The following CAMTA1 variants were observed in gnomAD, a reference collection of about 807,000 sequenced individuals.
The protein encoded by CAMTA1 is calmodulin binding transcription activator 1, also known as calmodulin-binding transcription activator 1.
CAMTA1 carries 27 observed loss-of-function variants against 170.9 expected under a neutral mutation model. The observed-to-expected ratio is 0.16, with a 90% CI of 0.12 to 0.22. The LOEUF is 0.22. Ranked by LOEUF, CAMTA1 falls within the 10% of genes least tolerant of loss-of-function variation. The pLI, the probability that CAMTA1 is intolerant of heterozygous loss-of-function variation, is 1.00. For missense variants in CAMTA1, 1,619 were observed against 2,217.2 expected, an observed-to-expected ratio of 0.73 and a Z score of 5.42; for synonymous variants, 833 against 891.5, an observed-to-expected ratio of 0.93 and a Z score of 1.17.
At chr1:7,042,858 A>G (rs1437953941) in intron 3 of CAMTA1, among the ~76,000 whole-genome samples, 1 of 152,198 alleles carries the variant, frequency 6.6e-6, no homozygotes, top group East Asian at 1.9e-4. Context: ...AAATTAAGCT[A>G]TTTAATTCTA....
intron 3 of CAMTA1, among the ~76,000 whole-genome samples, chr1:6,904,733 ATTTTTTTTTTTTTTTTTTTTTT>A: frequency 1.4e-5 from 1 of 70,994 alleles, no homozygotes; most frequent in Admixed American, 2.6e-4. Flanking sequence ...TGCCCAGCTA[ATTTTTTTTTTTTTTTTTTTTTT>A]TTTTTTTTTT....
At position 7,738,587 on chromosome 1, in the gene CAMTA1, C is replaced by T; in HGVS notation, c.4182+105C>T. 7.7e-7 allele frequency: 1 copy of T among 1,301,338 alleles called. No individual in the cohort carries two copies. The highest frequency in any genetic ancestry group is 1.0e-6 in the Non-Finnish European group (1 of 962,346). 80.6% of individuals were successfully genotyped at this position (1,301,338 alleles called of 1,614,324 possible). A position where few individuals can be genotyped will look rare whatever the true frequency, so the allele number is the denominator to read the frequency against. ...TTGTGTCATTTTCCTCCCCGTGAAG[C>T]CTTCGAAGTTGGCTTTGTGCAGAAC... On this transcript the variant is annotated intron_variant, in intron 16 of 22. Transcript: ENST00000303635. The surrounding 1 kb of genome is among the most constrained non-coding windows in gnomAD (Gnocchi z 4.9).
chr1:7,287,084 T>C (rs753719641), intron 5 of CAMTA1, among the ~76,000 whole-genome samples: 2 of 152,180 alleles, frequency 1.3e-5, no homozygotes, highest in Non-Finnish European at 2.9e-5. Flanking sequence ...TGCAACTTTT[T>C]TTGGAAGATC....
chr1:7,250,294 T>A (rs2149306138), intron 5 of CAMTA1, among the ~76,000 whole-genome samples: 1 of 152,318 alleles, frequency 6.6e-6, no homozygotes, highest in African/African-American at 2.4e-5. Flanking sequence ...TGCCATCGTT[T>A]GAGGGCCTGA....
At chr1:6,995,594 A>C (rs1045943359) in intron 3 of CAMTA1, among the ~76,000 whole-genome samples, 2 of 152,040 alleles carry the variant, frequency 1.3e-5, no homozygotes, top group Non-Finnish European at 2.9e-5. Context: ...GAGCCACCGC[A>C]CCTGGCCTAA....
intron 11 of CAMTA1, among the ~76,000 whole-genome samples, chr1:7,717,742 A>G (rs1459024756): frequency 6.6e-6 from 1 of 152,154 alleles, no homozygotes; most frequent in Non-Finnish European, 1.5e-5. Flanking sequence ...AAAATAAAAA[A>G]ATAAAAACGG....
Position 7,732,066 on chromosome 1 carries a change from C to G in CAMTA1, c.2915-382C>G, listed in dbSNP as rs2096738009. On this transcript the variant is annotated intron_variant, in intron 11 of 22. Transcript: ENST00000303635. This position sits in a 1 kb window ranked among gnomAD's most constrained non-coding sequence, Gnocchi z 4.1. Reference sequence around the variant, plus strand: ...CTTCCTTTCTTGCTGTGATTGCTTTCTTCTACTAGTTTAATTTAAATTGTA... The same window carrying G: ...CTTCCTTTCTTGCTGTGATTGCTTTGTTCTACTAGTTTAATTTAAATTGTA... Among the ~76,000 whole-genome samples, 1 of 130,614 alleles carries G rather than the reference C, an allele frequency of 7.7e-6. No homozygotes were observed. Among genetic ancestry groups the G allele is most frequent in the Admixed American group, 7.9e-5 (1 of 12,600 alleles). The allele number at this position is 130,614 out of a possible 152,430, so 85.7% of individuals were successfully genotyped here. A position where few individuals can be genotyped will look rare whatever the true frequency, so the allele number is the denominator to read the frequency against.
At chr1:7,740,502 C>A (rs531679932) in intron 16 of CAMTA1, among the ~76,000 whole-genome samples, 1 of 152,256 alleles carries the variant, frequency 6.6e-6, no homozygotes, top group Admixed American at 6.5e-5. Context: ...TAGATTACAT[C>A]GAAAATCAGC....
intron 4 of CAMTA1, among the ~76,000 whole-genome samples, chr1:7,110,585 C>T (rs1046382212): frequency 2.0e-5 from 3 of 152,222 alleles, no homozygotes; most frequent in Non-Finnish European, 4.4e-5. Context: ...ATTTAATCAG[C>T]AACCTGGGAG....
At chr1:7,612,082 G>A (rs1388583913) in intron 6 of CAMTA1, among the ~76,000 whole-genome samples, 1 of 152,216 alleles carries the variant, frequency 6.6e-6, no homozygotes, top group South Asian at 2.1e-4. Flanking sequence ...GCCATCCACG[G>A]ACAGCTAAGT....
In CAMTA1 at chr1:7,635,838, C is replaced by G. The variant is rs928746042; in HGVS notation, c.511-4562C>G. ...CTAATATATTTTTCTGCCAAAAACACCCAATAAAATGTACAACTAATGAAT... is the reference window on the plus strand; with the variant it reads ...CTAATATATTTTTCTGCCAAAAACAGCCAATAAAATGTACAACTAATGAAT... On this transcript the variant is annotated intron_variant, in intron 6 of 22. Coordinates refer to ENST00000303635, the MANE Select transcript of CAMTA1 (RefSeq NM_015215.4). This position sits in a 1 kb window ranked among gnomAD's most constrained non-coding sequence, Gnocchi z 4.4. Among the ~76,000 whole-genome samples, 5 of 152,274 alleles carry G rather than the reference C, an allele frequency of 3.3e-5. No homozygotes were observed. Among genetic ancestry groups the G allele is most frequent in the Non-Finnish European group, 7.4e-5 (5 of 68,014 alleles).
chr1:7,162,716 A>G (rs1227697508), intron 4 of CAMTA1, among the ~76,000 whole-genome samples: 2 of 152,108 alleles, frequency 1.3e-5, no homozygotes, highest in Admixed American at 1.3e-4. Flanking sequence ...TCCTCAGTTG[A>G]TGGACATTTA....
At chr1:6,827,640 G>A (rs754044242) in intron 3 of CAMTA1, among the ~76,000 whole-genome samples, 1 of 151,682 alleles carries the variant, frequency 6.6e-6, no homozygotes, top group African/African-American at 2.4e-5. Context: ...ATTTTCTTAC[G>A]TTCTTCAGCC....
rs2093560460 is a variant in CAMTA1 at position 7,482,922 on chromosome 1, G to A, written c.510+15021G>A. Among the ~76,000 whole-genome samples the A allele has an allele frequency of 6.6e-6, 1 of 152,130 alleles. No individual in the cohort carries two copies. Among genetic ancestry groups the A allele is most frequent in the Non-Finnish European group, 1.5e-5 (1 of 68,034 alleles). On this transcript the variant is annotated intron_variant, in intron 6 of 22. Coordinates refer to ENST00000303635, the MANE Select transcript of CAMTA1 (RefSeq NM_015215.4). This position sits in a 1 kb window ranked among gnomAD's most constrained non-coding sequence, Gnocchi z 4.2. The stretch of plus-strand genomic sequence containing the variant: ...AACACCTCCTCTCAGTCAGAGTGAT[G>A]TGAGCTGTAAATGTGCCCAGGCCCC...
rs1222544915 is a variant in CAMTA1 at position 6,858,469 on chromosome 1, G to GT, written c.234+33259_234+33260insT. On this transcript the variant is annotated intron_variant, in intron 3 of 22. Transcript: ENST00000303635. ...TGGTGGTGGTGGTGGTGGTGGTGGT[G>GT]GTGTGTGTGTGTGTGTTGGGGGGGG... 1.9e-3 allele frequency among the ~76,000 whole-genome samples: 137 copies of GT among 72,178 alleles called. 1 individual carries two copies. The highest frequency in any genetic ancestry group is 5.8e-3 in the African/African-American group (114 of 19,724). The allele number at this position is 72,178 out of a possible 152,430, so 47.4% of individuals were successfully genotyped here. A position where few individuals can be genotyped will look rare whatever the true frequency, so the allele number is the denominator to read the frequency against.
intron 5 of CAMTA1, among the ~76,000 whole-genome samples, chr1:7,377,049 TTTAA>T (rs1394667240): frequency 6.6e-6 from 1 of 152,182 alleles, no homozygotes; most frequent in African/African-American, 2.4e-5. Flanking sequence ...TCTACATTAA[TTTAA>T]TTAATACAAT....
chr1:6,798,679 C>T (rs1643175210), intron 1 of CAMTA1, among the ~76,000 whole-genome samples: 1 of 135,630 alleles, frequency 7.4e-6, no homozygotes, highest in Non-Finnish European at 1.6e-5. Flanking sequence ...TCACTGCAAG[C>T]TCCGCTTCCC....
chr1:6,984,578 C>T (rs1159340042), intron 3 of CAMTA1, among the ~76,000 whole-genome samples: 1 of 152,182 alleles, frequency 6.6e-6, no homozygotes, highest in Non-Finnish European at 1.5e-5. Context: ...GGCGCCACTG[C>T]ACCCTGCCTG....
chr1:7,533,259 C>A (rs1481981858), intron 6 of CAMTA1, among the ~76,000 whole-genome samples: 1 of 152,170 alleles, frequency 6.6e-6, no homozygotes, highest in Non-Finnish European at 1.5e-5. Context: ...CCACTCCAGG[C>A]TCCACTGAGG....
Sources: gnomAD v4.1 joint callset for allele counts (sites outside exome capture counted in the v4.1 genomes callset) on GRCh38, gnomAD v4.1.1 for gene constraint, Gnocchi (gnomAD v3.1) non-coding constraint, MANE v1.5 for transcripts, NCBI Gene and HGNC (gene_info 2026-07-23, HGNC 2026-07-21) for gene names.